The following DOCK3 variants were observed in gnomAD, a reference collection of about 807,000 sequenced individuals.
DOCK3 encodes the protein dedicator of cytokinesis protein 3.
In DOCK3, 60 loss-of-function variants were observed where a neutral mutation model predicts 265.6. The observed-to-expected ratio is 0.23, with a 90% CI of 0.18 to 0.28. DOCK3 has a LOEUF of 0.28. Among genes scored for constraint, DOCK3 ranks in the 10% least tolerant of loss-of-function variants. The pLI is 1.00. For synonymous variants in DOCK3, 881 were observed against 938.0 expected, an observed-to-expected ratio of 0.94 and a Z score of 1.11; for missense variants, 1,981 against 2,594.3, an observed-to-expected ratio of 0.76 and a Z score of 5.14.
chr3:50,908,843 A>T (rs1327842859), intron 4 of DOCK3, among the ~76,000 whole-genome samples: 1 of 151,956 alleles, frequency 6.6e-6, no homozygotes, highest in Non-Finnish European at 1.5e-5. Context: ...ATTTTGTGGG[A>T]GTCTAAGTCT....
At chr3:50,715,504 TC>T (rs1255623003) in intron 1 of DOCK3, among the ~76,000 whole-genome samples, 1 of 151,936 alleles carries the variant, frequency 6.6e-6, no homozygotes, top group Non-Finnish European at 1.5e-5. Flanking sequence ...TGAGCCATGA[TC>T]ATGCCACTGC....
intron 2 of DOCK3, among the ~76,000 whole-genome samples, chr3:50,779,098 G>A (rs1352500188): frequency 6.6e-6 from 1 of 151,662 alleles, no homozygotes; most frequent in African/African-American, 2.4e-5. Flanking sequence ...ACCTTTTTTT[G>A]TGTTGCAAAG....
At chr3:50,679,180 C>T (rs1336441721) in intron 1 of DOCK3, among the ~76,000 whole-genome samples, 1 of 152,050 alleles carries the variant, frequency 6.6e-6, no homozygotes, top group Non-Finnish European at 1.5e-5. Flanking sequence ...TGCTATGTTG[C>T]CCAGGCTTGT....
intron 1 of DOCK3, among the ~76,000 whole-genome samples, chr3:50,697,267 C>G (rs541880185): frequency 1.3e-5 from 2 of 152,124 alleles, no homozygotes; most frequent in East Asian, 3.9e-4. Context: ...TTATTTCTGT[C>G]GTTTACTTAA....
chr3:50,724,541 G>T (rs2037690225), intron 1 of DOCK3, among the ~76,000 whole-genome samples: 1 of 152,124 alleles, frequency 6.6e-6, no homozygotes, highest in African/African-American at 2.4e-5. Context: ...GTCCTTTGCA[G>T]GGACATGGAT....
In DOCK3 at chr3:50,675,102, G is replaced by A; in HGVS notation, c.-162G>A. The A allele has an allele frequency of 3.2e-6, 1 of 313,168 alleles. No individual in the cohort carries two copies. The highest frequency in any genetic ancestry group is 4.7e-6 in the Non-Finnish European group (1 of 214,452). 19.4% of individuals were successfully genotyped at this position (313,168 alleles called of 1,614,324 possible). A position where few individuals can be genotyped will look rare whatever the true frequency, so the allele number is the denominator to read the frequency against. ...TCGCGGTCCAGACGTGGCGGGGGTG[G>A]CGGCGGCATCCCGGACGGCCTGTGA... On this transcript the variant is annotated 5_prime_UTR_variant, in exon 1 of 53. Coordinates refer to ENST00000266037, the MANE Select transcript of DOCK3 (RefSeq NM_004947.5). The surrounding 1 kb of genome is among the most constrained non-coding windows in gnomAD (Gnocchi z 6.1).
intron 5 of DOCK3, among the ~76,000 whole-genome samples, chr3:50,995,506 T>G (rs1172702239): frequency 6.6e-6 from 1 of 152,026 alleles, no homozygotes; most frequent in African/African-American, 2.4e-5. Context: ...TAGAGTGGAG[T>G]GTGGAGAATG....
intron 19 of DOCK3, among the ~76,000 whole-genome samples, chr3:51,230,704 A>G (rs2090508971): frequency 6.6e-6 from 1 of 152,032 alleles, no homozygotes; most frequent in Non-Finnish European, 1.5e-5. Flanking sequence ...TTTAATAGAG[A>G]TGAGATTTCA....
chr3:50,730,706 C>T (rs1391739084), intron 1 of DOCK3, among the ~76,000 whole-genome samples: 1 of 152,066 alleles, frequency 6.6e-6, no homozygotes, highest in African/African-American at 2.4e-5. Flanking sequence ...TGGTGTGCAC[C>T]TGTAGTCCTA....
At chr3:51,115,901 A>G (rs1195467833) in intron 9 of DOCK3, among the ~76,000 whole-genome samples, 1 of 152,122 alleles carries the variant, frequency 6.6e-6, no homozygotes, top group Non-Finnish European at 1.5e-5. Context: ...TAAATAGGGA[A>G]TCCTTTCCCT....
At chr3:51,199,867 G>A (rs1043590467) in intron 12 of DOCK3, among the ~76,000 whole-genome samples, 4 of 152,114 alleles carry the variant, frequency 2.6e-5, no homozygotes, top group East Asian at 3.9e-4. Context: ...AGCAGCATTC[G>A]CGGTTCACGA....
At chr3:50,806,094 G>T (rs1337091168) in intron 2 of DOCK3, among the ~76,000 whole-genome samples, 1 of 151,944 alleles carries the variant, frequency 6.6e-6, no homozygotes, top group Non-Finnish European at 1.5e-5. Flanking sequence ...TTGCTTAGTT[G>T]GCCTGGGAGC....
In DOCK3 at chr3:50,896,725, A is replaced by C. The variant is rs181183923; in HGVS notation, c.218+6644A>C. Among the ~76,000 whole-genome samples the C allele has an allele frequency of 3.4e-4, 52 of 152,276 alleles. No individual in the cohort carries two copies. In the East Asian group the frequency reaches 8.9e-3, roughly 26 times the overall value. On this transcript the variant is annotated intron_variant, in intron 4 of 52. Transcript: ENST00000266037. Reference sequence around the variant, plus strand: ...CTGCATATGGCTAGCCAGTTTTACCAACACCATTTATTAAGTAGGCAATCA... The same window carrying C: ...CTGCATATGGCTAGCCAGTTTTACCCACACCATTTATTAAGTAGGCAATCA...
intron 1 of DOCK3, among the ~76,000 whole-genome samples, chr3:50,684,905 T>C (rs918818369): frequency 6.6e-5 from 10 of 152,130 alleles, no homozygotes; most frequent in Admixed American, 2.6e-4. Context: ...TTACATAACG[T>C]ATATATCATT....
intron 5 of DOCK3, among the ~76,000 whole-genome samples, chr3:50,956,156 T>C (rs1041134541): frequency 2.0e-5 from 3 of 152,204 alleles, no homozygotes; most frequent in Non-Finnish European, 4.4e-5. Context: ...TTCTTAGCAT[T>C]CTGCCATATA....
chr3:50,840,545 TTC>T (rs959122793), intron 2 of DOCK3, among the ~76,000 whole-genome samples: 2 of 152,242 alleles, frequency 1.3e-5, no homozygotes, highest in African/African-American at 2.4e-5. Context: ...TATTTCTGGA[TTC>T]TCTATTCAGT....
chr3:51,053,082 T>TATATATAG (rs2081058091), intron 5 of DOCK3, among the ~76,000 whole-genome samples: 4 of 42,108 alleles, frequency 9.5e-5, no homozygotes, highest in Non-Finnish European at 1.9e-4. Flanking sequence ...GTCAAAGATA[T>TATATATAG]ATATATATAT....
intron 4 of DOCK3, chr3:50,900,992 G>A (rs1456392304): frequency 2.5e-6 from 1 of 401,750 alleles, no homozygotes; most frequent in Non-Finnish European, 4.8e-6. Flanking sequence ...CCTTAGCAGA[G>A]CTTGAGCAAT....
At chr3:51,198,318 C>T (rs9844581) in intron 12 of DOCK3, among the ~76,000 whole-genome samples, 117,055 of 152,146 alleles carry the variant, frequency 0.77, 46,296 homozygotes, top group Middle Eastern at 0.89. Context: ...CTCTTTACCT[C>T]CTTGTTCTGG....
Sources: allele counts gnomAD v4.1 joint callset (sites outside exome capture counted in the v4.1 genomes callset), GRCh38; gene constraint gnomAD v4.1.1; non-coding constraint Gnocchi (gnomAD v3.1); transcripts MANE v1.5; gene names NCBI Gene and HGNC (gene_info 2026-07-23, HGNC 2026-07-21).